SPTBN1: variants seen among roughly 807,000 people sequenced by gnomAD.
SPTBN1 encodes spectrin beta chain, non-erythrocytic 1.
A neutral mutation model predicts 266.4 loss-of-function variants in SPTBN1; 32 were observed. That is an observed-to-expected ratio of 0.12 (90% CI 0.09 to 0.16). The LOEUF is 0.16. Among genes scored for constraint, SPTBN1 ranks in the 10% least tolerant of loss-of-function variants. The pLI is 1.00. For missense variants in SPTBN1, 2,296 were observed against 3,067.1 expected (o/e 0.75, Z 5.94); for synonymous variants, 1,336 against 1,162.2 (o/e 1.15, Z -3.04).
At chr2:54,487,402 A>C (rs1228689530) in intron 1 of SPTBN1, among the ~76,000 whole-genome samples, 3 of 151,584 alleles carry the variant, frequency 2.0e-5, no homozygotes, top group Non-Finnish European at 4.4e-5. Flanking sequence ...TATGCATGAC[A>C]TACTACTACT....
At chr2:54,582,811 A>G (rs1160752580) in intron 2 of SPTBN1, among the ~76,000 whole-genome samples, 4 of 152,176 alleles carry the variant, frequency 2.6e-5, no homozygotes, top group Admixed American at 1.3e-4. Flanking sequence ...GGTGGGGGCT[A>G]TCAAGTCAAA....
intron 35 of SPTBN1, 63 bp downstream of exon 35, chr2:54,667,709 G>T (rs1681454879): frequency 6.9e-7 from 1 of 1,450,524 alleles, no homozygotes; most frequent in Non-Finnish European, 9.7e-7. Context: ...GTGTGATGAT[G>T]GGCTTTATTC....
rs1291568381 is a variant in SPTBN1 at position 54,554,711 on chromosome 2, A to T, written c.148+28145A>T. 6.6e-6 allele frequency among the ~76,000 whole-genome samples: 1 copy of T among 152,084 alleles called. No homozygotes were observed. The highest frequency in any genetic ancestry group is 1.5e-5 in the Non-Finnish European group (1 of 67,990). ...GGTAAGCCTGAGTCCCTGACTCTGG[A>T]CTTGAGTCTTTCCACCAGCCCACAG... is the stretch of plus-strand genomic sequence containing the variant. On this transcript the variant is annotated intron_variant, in intron 2 of 35. Transcript: ENST00000356805. The surrounding 1 kb of genome is among the most constrained non-coding windows in gnomAD (Gnocchi z 4.5).
At chr2:54,612,902 G>T (rs1187181101) in intron 4 of SPTBN1, among the ~76,000 whole-genome samples, 1 of 152,204 alleles carries the variant, frequency 6.6e-6, no homozygotes, top group Non-Finnish European at 1.5e-5. Context: ...TATGGGTTTT[G>T]TTATACTTGA....
chr2:54,465,016 A>C (rs1483970938), intron 1 of SPTBN1, among the ~76,000 whole-genome samples: 1 of 152,198 alleles, frequency 6.6e-6, no homozygotes, highest in Non-Finnish European at 1.5e-5. Flanking sequence ...TTAATAATCA[A>C]AAAAGCAATC....
intron 2 of SPTBN1, among the ~76,000 whole-genome samples, chr2:54,531,593 CG>C (rs1671242702): frequency 6.7e-6 from 1 of 149,890 alleles, no homozygotes; most frequent in African/African-American, 2.5e-5. Flanking sequence ...CTGGCTATAT[CG>C]GTTTTTGTTT....
At chr2:54,510,420 A>G (rs543327568) in intron 1 of SPTBN1, among the ~76,000 whole-genome samples, 2 of 152,238 alleles carry the variant, frequency 1.3e-5, no homozygotes, top group Non-Finnish European at 2.9e-5. Flanking sequence ...GGTCCATAAC[A>G]CTCAGGCACC....
chr2:54,567,715 A>G (rs866375835), intron 2 of SPTBN1, among the ~76,000 whole-genome samples: 1 of 152,248 alleles, frequency 6.6e-6, no homozygotes. Flanking sequence ...CACTTCTTAA[A>G]TATAAATATA....
intron 1 of SPTBN1, 126 bp from the exon 2 acceptor site, chr2:54,526,246 A>T (rs1670807620): frequency 5.6e-6 from 4 of 714,658 alleles, no homozygotes; most frequent in Admixed American, 6.3e-5. Flanking sequence ...TAAAACCAGC[A>T]TTGCTCCAGA....
At chr2:54,461,578 G>A (rs1693371727) in intron 1 of SPTBN1, among the ~76,000 whole-genome samples, 1 of 152,232 alleles carries the variant, frequency 6.6e-6, no homozygotes, top group African/African-American at 2.4e-5. Context: ...AGCCATAAGT[G>A]TTACAGTTCC....
intron 31 of SPTBN1, 80 bp downstream of exon 31, chr2:54,659,346 G>T: frequency 7.3e-7 from 1 of 1,364,672 alleles, no homozygotes; most frequent in Non-Finnish European, 1.0e-6. Flanking sequence ...CTGAAGCCTT[G>T]CATTGCTAGG....
intron 2 of SPTBN1, among the ~76,000 whole-genome samples, chr2:54,551,787 G>A (rs1288420498): frequency 6.6e-6 from 1 of 152,178 alleles, no homozygotes; most frequent in Non-Finnish European, 1.5e-5. Flanking sequence ...ATGGAACAGA[G>A]ATAATAATTC....
In SPTBN1 at chr2:54,628,805, C is replaced by T. The variant is rs1678531022; in HGVS notation, c.1799-128C>T. 4 of 1,244,038 alleles carry T rather than the reference C, an allele frequency of 3.2e-6. No individual in the cohort carries two copies. Among genetic ancestry groups the T allele is most frequent in the Non-Finnish European group, 4.4e-6 (4 of 910,066 alleles). 77.1% of individuals were successfully genotyped at this position (1,244,038 alleles called of 1,614,324 possible). A position where few individuals can be genotyped will look rare whatever the true frequency, so the allele number is the denominator to read the frequency against. On this transcript the variant is annotated intron_variant, in intron 13 of 35. Transcript: ENST00000356805. This position sits in a 1 kb window ranked among gnomAD's most constrained non-coding sequence, Gnocchi z 4.3. ...GTGCTCCATTGCCTTATCGCATGGC[C>T]CTGCATTTACATTTAGCAGTGAGCT...
intron 1 of SPTBN1, among the ~76,000 whole-genome samples, chr2:54,482,725 T>A (rs1668161745): frequency 1.3e-5 from 2 of 152,204 alleles, no homozygotes; most frequent in Admixed American, 6.5e-5. Flanking sequence ...ATAGAACATT[T>A]CCATCACAGC....
At chr2:54,652,263 A>G (rs1334018893) in intron 26 of SPTBN1, among the ~76,000 whole-genome samples, 1 of 152,244 alleles carries the variant, frequency 6.6e-6, no homozygotes, top group African/African-American at 2.4e-5. Context: ...AGCTGCAGTT[A>G]TTAGCTTCAG....
intron 1 of SPTBN1, among the ~76,000 whole-genome samples, chr2:54,481,498 A>C (rs540968978): frequency 1.3e-5 from 2 of 151,904 alleles, no homozygotes; most frequent in East Asian, 3.9e-4. Flanking sequence ...TGCCTCTGTT[A>C]AACCAAGTCC....
chr2:54,649,587 C>T lies in SPTBN1; in HGVS notation c.5203-28C>T. On this transcript the variant is annotated intron_variant, in intron 25 of 35. Transcript: ENST00000356805. This position sits in a 1 kb window ranked among gnomAD's most constrained non-coding sequence, Gnocchi z 6.7. ...AAATACAGAGTTCACAGTGGGCTCT[C>T]TGATTTCCTTACCCATCCCCGTTTC... is the stretch of plus-strand genomic sequence containing the variant. 6.3e-7 allele frequency: 1 copy of T among 1,598,614 alleles called. No homozygotes were observed. Among genetic ancestry groups the T allele is most frequent in the East Asian group, 2.2e-5 (1 of 44,498 alleles).
intron 2 of SPTBN1, among the ~76,000 whole-genome samples, chr2:54,563,060 C>T (rs1673423945): frequency 6.6e-6 from 1 of 152,144 alleles, no homozygotes; most frequent in African/African-American, 2.4e-5. Context: ...GCAAATAACT[C>T]ATCCAAGTTC....
intron 6 of SPTBN1, among the ~76,000 whole-genome samples, 170 bp downstream of exon 6, chr2:54,617,858 G>A (rs7608414): frequency 0.29 from 44,758 of 152,056 alleles, 7,928 homozygotes; most frequent in African/African-American, 0.5. Flanking sequence ...CTTCCAAACA[G>A]AATAAACAGG....
Sources: allele counts gnomAD v4.1 joint callset (sites outside exome capture counted in the v4.1 genomes callset), GRCh38; gene constraint gnomAD v4.1.1; non-coding constraint Gnocchi (gnomAD v3.1); transcripts MANE v1.5; gene names NCBI Gene and HGNC (gene_info 2026-07-23, HGNC 2026-07-21).